The following FER1L6 variants were observed in gnomAD, a reference collection of about 807,000 sequenced individuals.
The protein encoded by FER1L6 is fer-1 like family member 6.
Under a neutral mutation model 219.2 loss-of-function variants are expected in FER1L6, and 177 were observed. The ratio of observed to expected loss-of-function variants is 0.81; its 90% confidence interval spans 0.71 to 0.91. The LOEUF (loss-of-function observed/expected upper bound fraction) is 0.91, where lower values mean the gene tolerates loss of function less well. FER1L6 is among the 40% of genes least tolerant of loss of function. FER1L6 has a pLI of 0.00. For missense variants in FER1L6, 2,153 were observed against 2,259.9 expected (o/e 0.95, Z 0.96); for synonymous variants, 768 against 824.3 (o/e 0.93, Z 1.17).
chr8:123,916,904 T>C (rs985522681), intron 1 of FER1L6, among the ~76,000 whole-genome samples: 8 of 152,264 alleles, frequency 5.3e-5, no homozygotes, highest in Middle Eastern at 6.8e-3. Flanking sequence ...TTGATACCCA[T>C]GCCATTGGTA....
At chr8:123,897,094 G>A (rs562409290) in intron 1 of FER1L6, among the ~76,000 whole-genome samples, 48 of 152,172 alleles carry the variant, frequency 3.2e-4, no homozygotes, top group African/African-American at 1.2e-3. Context: ...AAATTCCAAA[G>A]ATTCTTTCAT....
chr8:124,004,427 G>A (rs1042918504), intron 13 of FER1L6, among the ~76,000 whole-genome samples: 3 of 152,148 alleles, frequency 2.0e-5, no homozygotes, highest in African/African-American at 7.2e-5. Flanking sequence ...GTATGGCCCT[G>A]ACACAGCTAC....
intron 18 of FER1L6, among the ~76,000 whole-genome samples, chr8:124,023,953 G>C (rs187028236): frequency 6.6e-6 from 1 of 150,388 alleles, no homozygotes; most frequent in East Asian, 2.0e-4. Flanking sequence ...CTGGAGTGCA[G>C]TGGCGTGACC....
At chr8:124,097,456 A>G (rs1160911973) in intron 36 of FER1L6, 97 bp downstream of exon 36, 1 of 902,732 alleles carries the variant, frequency 1.1e-6, no homozygotes, top group East Asian at 2.5e-5. Context: ...TTACCTGATC[A>G]TCATACCTCA....
intron 39 of FER1L6, among the ~76,000 whole-genome samples, chr8:124,114,404 A>T (rs1823147672): frequency 6.6e-6 from 1 of 152,164 alleles, no homozygotes; most frequent in Admixed American, 6.5e-5. Context: ...TCCACTGAAG[A>T]ATCTAGAAGT....
intron 18 of FER1L6, among the ~76,000 whole-genome samples, chr8:124,028,904 A>G (rs1563753273): frequency 2.0e-5 from 3 of 152,176 alleles, no homozygotes; most frequent in African/African-American, 7.2e-5. Context: ...CCTTGCATGT[A>G]TTAGGTATTT....
At chr8:123,941,520 A>G (rs28654582) in intron 1 of FER1L6, among the ~76,000 whole-genome samples, 40,767 of 151,960 alleles carry the variant, frequency 0.27, 5,865 homozygotes, top group East Asian at 0.41. Context: ...GAGAGATTTG[A>G]GTACAGGGTG....
intron 1 of FER1L6, among the ~76,000 whole-genome samples, chr8:123,934,241 T>C (rs1813896126): frequency 6.6e-6 from 1 of 152,202 alleles, no homozygotes; most frequent in South Asian, 2.1e-4. Flanking sequence ...CTTGATGCAG[T>C]ACCATTATCT....
chr8:123,874,332 TG>T (rs1816969041), intron 1 of FER1L6, among the ~76,000 whole-genome samples: 1 of 152,226 alleles, frequency 6.6e-6, no homozygotes, highest in Admixed American at 6.5e-5. Context: ...ACATACTAGC[TG>T]CGTCACGTTA....
intron 22 of FER1L6, among the ~76,000 whole-genome samples, chr8:124,052,427 A>T (rs971670876): frequency 1.3e-5 from 2 of 152,174 alleles, no homozygotes; most frequent in Non-Finnish European, 2.9e-5. Flanking sequence ...CTATGGGAAC[A>T]TTTCCCAAAG....
At chr8:123,922,760 G>A (rs1271026965) in intron 1 of FER1L6, among the ~76,000 whole-genome samples, 2 of 152,202 alleles carry the variant, frequency 1.3e-5, no homozygotes, top group African/African-American at 4.8e-5. Context: ...TTATTGTGGT[G>A]TGGTTTATAA....
intron 20 of FER1L6, among the ~76,000 whole-genome samples, chr8:124,044,894 T>A (rs1190226116): frequency 6.6e-6 from 1 of 152,218 alleles, no homozygotes; most frequent in Non-Finnish European, 1.5e-5. Context: ...GAGGGGGCTG[T>A]AAGCCACTTC....
chr8:123,888,955 T>A (rs553485867), intron 1 of FER1L6, among the ~76,000 whole-genome samples: 1 of 152,350 alleles, frequency 6.6e-6, no homozygotes, highest in Admixed American at 6.5e-5. Context: ...AGTAAATCTT[T>A]ACTAAACAAG....
chr8:123,871,969 G>A (rs1351428786), intron 1 of FER1L6, among the ~76,000 whole-genome samples: 1 of 152,168 alleles, frequency 6.6e-6, no homozygotes, highest in Non-Finnish European at 1.5e-5. Context: ...CTGAGACTGG[G>A]TAACTTATAA....
intron 1 of FER1L6, among the ~76,000 whole-genome samples, chr8:123,873,200 G>C (rs1563669221): frequency 6.6e-6 from 1 of 152,252 alleles, no homozygotes; most frequent in Non-Finnish European, 1.5e-5. Context: ...GTTGATGTCA[G>C]TCACCTCAGG....
chr8:124,001,636 G>A (rs1326449926), intron 12 of FER1L6, among the ~76,000 whole-genome samples: 3 of 152,042 alleles, frequency 2.0e-5, no homozygotes, highest in Admixed American at 6.6e-5. Flanking sequence ...TTATTCCTAA[G>A]GTAAGAATAA....
At chr8:123,988,981 T>C (rs1295109604) in intron 12 of FER1L6, among the ~76,000 whole-genome samples, 1 of 152,224 alleles carries the variant, frequency 6.6e-6, no homozygotes, top group East Asian at 1.9e-4. Context: ...ATCGCTTTTA[T>C]TGTATTGAGG....
At chr8:123,956,971 C>A (rs918197148) in intron 2 of FER1L6, among the ~76,000 whole-genome samples, 2 of 152,240 alleles carry the variant, frequency 1.3e-5, no homozygotes, top group Non-Finnish European at 2.9e-5. Flanking sequence ...TAAATTGGAT[C>A]AGTGGTTTCC....
Position 123,966,297 on chromosome 8 carries a change from C to T in FER1L6, c.384+7C>T, listed in dbSNP as rs763994583. 6.2e-7 allele frequency: 1 copy of T among 1,613,906 alleles called. No individual in the cohort carries two copies. Among genetic ancestry groups the T allele is most frequent in the South Asian group, 1.1e-5 (1 of 91,008 alleles). ...CAGCCCATTTTATAATGAAGTAAGT[C>T]ATGGAGGTCACCCACAGCTTTTGCA... On this transcript the variant is annotated splice_region_variant and intron_variant, in intron 5 of 40. Transcript: ENST00000522917.
Sources: gnomAD v4.1 joint callset for allele counts (sites outside exome capture counted in the v4.1 genomes callset) on GRCh38, gnomAD v4.1.1 for gene constraint, MANE v1.5 for transcripts, NCBI Gene and HGNC (gene_info 2026-07-23, HGNC 2026-07-21) for gene names.